Variants in PHKB observed in about 807,000 individuals in gnomAD.
PHKB encodes phosphorylase kinase regulatory subunit beta, also known as phosphorylase b kinase regulatory subunit beta.
PHKB carries 122 observed loss-of-function variants against 152.1 expected under a neutral mutation model. That is an observed-to-expected ratio of 0.80 (90% CI 0.69 to 0.93). The LOEUF (loss-of-function observed/expected upper bound fraction) is 0.93. PHKB is among the 40% of genes least tolerant of loss of function. The probability of loss-of-function intolerance (pLI) is 0.00; values close to 1 mark genes in which losing one functional copy is unlikely to be tolerated. For synonymous variants in PHKB, 436 were observed against 464.9 expected (o/e 0.94, Z 0.80); for missense variants, 1,304 against 1,328.4 (o/e 0.98, Z 0.29).
intron 14 of PHKB, among the ~76,000 whole-genome samples, chr16:47,618,216 C>T (rs1163976730): frequency 1.3e-5 from 2 of 152,224 alleles, no homozygotes; most frequent in African/African-American, 4.8e-5. Context: ...CCATCTTTTA[C>T]ACTAGAAATG....
chr16:47,690,108 A>G (rs1974034308), intron 27 of PHKB, among the ~76,000 whole-genome samples: 1 of 152,258 alleles, frequency 6.6e-6, no homozygotes, highest in African/African-American at 2.4e-5. Flanking sequence ...GTTGAACAGT[A>G]TAGAAAGTCC....
chr16:47,546,990 A>G (rs1035120772), intron 6 of PHKB, among the ~76,000 whole-genome samples: 5 of 152,040 alleles, frequency 3.3e-5, no homozygotes, highest in African/African-American at 9.7e-5. Flanking sequence ...CAGTGTCCCA[A>G]TTTTTCTGGT....
chr16:47,600,743 T>G (rs1346264194), intron 13 of PHKB, among the ~76,000 whole-genome samples: 2 of 152,276 alleles, frequency 1.3e-5, no homozygotes, highest in Non-Finnish European at 2.9e-5. Context: ...CTAACATATT[T>G]AAACATAGAA....
At chr16:47,668,749 C>T (rs2142078929) in intron 25 of PHKB, among the ~76,000 whole-genome samples, 1 of 152,282 alleles carries the variant, frequency 6.6e-6, no homozygotes, top group Non-Finnish European at 1.5e-5. Context: ...GGCCTCACAC[C>T]TGCCTTTGAA....
chr16:47,654,953 T>TA (rs909967016), intron 20 of PHKB, among the ~76,000 whole-genome samples: 25 of 151,206 alleles, frequency 1.7e-4, no homozygotes, highest in Admixed American at 1.5e-3. Context: ...TAAAATATAA[T>TA]AAAAAAATAA....
chr16:47,682,210 A>T (rs1454686266), intron 26 of PHKB, among the ~76,000 whole-genome samples: 2 of 152,026 alleles, frequency 1.3e-5, no homozygotes, highest in East Asian at 3.9e-4. Context: ...CTTTCATTTC[A>T]ACTTTGGTGA....
At chr16:47,479,781 A>T (rs1194949757) in intron 1 of PHKB, among the ~76,000 whole-genome samples, 3 of 152,172 alleles carry the variant, frequency 2.0e-5, no homozygotes, top group Non-Finnish European at 4.4e-5. Flanking sequence ...ATATGTCATT[A>T]TCTGCATCCC....
intron 10 of PHKB, among the ~76,000 whole-genome samples, chr16:47,591,072 C>A (rs77033445): frequency 0.017 from 2,654 of 152,198 alleles, 77 homozygotes; most frequent in African/African-American, 0.06. Flanking sequence ...TTTCTTGACA[C>A]CCTCACTTGT....
At chr16:47,682,523 T>C (rs1973880354) in intron 26 of PHKB, among the ~76,000 whole-genome samples, 1 of 152,238 alleles carries the variant, frequency 6.6e-6, no homozygotes, top group Non-Finnish European at 1.5e-5. Flanking sequence ...TCGTCTTCCA[T>C]CACTGATACC....
chr16:47,577,592 G>A (rs1203847971), intron 7 of PHKB, among the ~76,000 whole-genome samples: 1 of 151,938 alleles, frequency 6.6e-6, no homozygotes, highest in Admixed American at 6.6e-5. Flanking sequence ...AGATTGTCTT[G>A]GTTTCTTCCT....
At chr16:47,682,093 C>T (rs1377981622) in intron 26 of PHKB, among the ~76,000 whole-genome samples, 3 of 152,152 alleles carry the variant, frequency 2.0e-5, no homozygotes, top group African/African-American at 4.8e-5. Flanking sequence ...AATATTGGCC[C>T]CCACTCTCTT....
chr16:47,596,692 A>C (rs1257466371), intron 13 of PHKB, among the ~76,000 whole-genome samples, 161 bp downstream of exon 13: 1 of 152,068 alleles, frequency 6.6e-6, no homozygotes, highest in Non-Finnish European at 1.5e-5. Context: ...TAATATATCT[A>C]TTTCACTGAA....
At chr16:47,479,076 T>C (rs1969919735) in intron 1 of PHKB, among the ~76,000 whole-genome samples, 1 of 152,200 alleles carries the variant, frequency 6.6e-6, no homozygotes, top group African/African-American at 2.4e-5. Context: ...TTGTTAATAT[T>C]TTTTTCTGCT....
At chr16:47,658,568 C>T (rs1973380086) in intron 20 of PHKB, among the ~76,000 whole-genome samples, 2 of 152,130 alleles carry the variant, frequency 1.3e-5, no homozygotes, top group Non-Finnish European at 2.9e-5. Flanking sequence ...GATTTTAATA[C>T]TGTATTTTTA....
At chr16:47,629,225 A>G (rs961041744) in intron 14 of PHKB, among the ~76,000 whole-genome samples, 5 of 152,100 alleles carry the variant, frequency 3.3e-5, no homozygotes, top group African/African-American at 1.2e-4. Context: ...CCACCATCAG[A>G]GTGAACAGGC....
chr16:47,580,730 A>G (rs1329912653), intron 8 of PHKB, among the ~76,000 whole-genome samples: 1 of 151,954 alleles, frequency 6.6e-6, no homozygotes, highest in Admixed American at 6.6e-5. Context: ...TTTCAATGTA[A>G]TGTATTTCAA....
intron 7 of PHKB, among the ~76,000 whole-genome samples, chr16:47,573,394 G>T (rs1971695323): frequency 6.6e-6 from 1 of 152,146 alleles, no homozygotes; most frequent in South Asian, 2.1e-4. Context: ...GACCCCAGTG[G>T]CGATCCGAGG....
intron 8 of PHKB, among the ~76,000 whole-genome samples, chr16:47,580,580 A>T (rs867073835): frequency 2.7e-5 from 4 of 150,918 alleles, no homozygotes; most frequent in Non-Finnish European, 4.4e-5. Context: ...AAAAAAGAAA[A>T]TTTTTTTTGA....
chr16:47,502,913 A>G (rs577751470), intron 3 of PHKB, 78 bp from the exon 4 acceptor site: 1 of 891,654 alleles, frequency 1.1e-6, no homozygotes, highest in Admixed American at 1.9e-5. Flanking sequence ...CAGATAGTTA[A>G]ATACTTAATT....
Sources: gnomAD v4.1 joint callset for allele counts (sites outside exome capture counted in the v4.1 genomes callset) on GRCh38, gnomAD v4.1.1 for gene constraint, MANE v1.5 for transcripts, NCBI Gene and HGNC (gene_info 2026-07-23, HGNC 2026-07-21) for gene names.